The following SMYD2 variants were observed in gnomAD, a reference collection of about 807,000 sequenced individuals.
The protein encoded by SMYD2 is N-lysine methyltransferase SMYD2.
SMYD2 carries 53 observed loss-of-function variants against 59.1 expected under a neutral mutation model. That is an observed-to-expected ratio of 0.90 (90% CI 0.72 to 1.13). The LOEUF (loss-of-function observed/expected upper bound fraction) is 1.13, where lower values mean the gene tolerates loss of function less well. Ranked by LOEUF, SMYD2 falls within the 50% of genes most tolerant of loss-of-function variation. The pLI, the probability that SMYD2 is intolerant of heterozygous loss-of-function variation, is 0.00. For missense variants in SMYD2, 494 were observed against 544.7 expected (o/e 0.91, Z 0.93); for synonymous variants, 208 against 198.8 (o/e 1.05, Z -0.39).
At position 214,330,976 on chromosome 1, in the gene SMYD2, G is replaced by A. The variant is rs763031470; in HGVS notation, c.843G>A (p.Lys281=). The A allele has an allele frequency of 6.2e-7, 1 of 1,614,222 alleles. No homozygotes were observed. The highest frequency in any genetic ancestry group is 1.3e-5 in the African/African-American group (1 of 75,074). The change falls in exon 9 of 12, where the codon AAG becomes AAA. Residue 281 remains lysine (K), a synonymous_variant. Transcript: ENST00000366957. ...DKDKAKVEIR[K]LSDPPKAEAI... ...ATAAGGCCAAGGTGGAAATCCGGAA[G>A]CTCAGCGATCCCCCAAAGGCAGAAG...
chr1:214,292,089 T>A (rs370463051), intron 1 of SMYD2, among the ~76,000 whole-genome samples: 2 of 145,880 alleles, frequency 1.4e-5, no homozygotes, highest in African/African-American at 2.6e-5. Flanking sequence ...TTTTCTAGGG[T>A]GAGAGAGAGA....
intron 1 of SMYD2, among the ~76,000 whole-genome samples, chr1:214,296,490 A>G (rs1288517498): frequency 1.3e-5 from 2 of 152,222 alleles, no homozygotes; most frequent in African/African-American, 2.4e-5. Context: ...TCCTCTAGCT[A>G]TGAGTCTGAG....
At chr1:214,328,247 G>C (rs370566534) in intron 7 of SMYD2, among the ~76,000 whole-genome samples, 2 of 152,036 alleles carry the variant, frequency 1.3e-5, no homozygotes, top group Admixed American at 1.3e-4. Flanking sequence ...TCAGAATTTC[G>C]TGTTCTATCA....
At chr1:214,334,486 G>A (rs780194715) in intron 11 of SMYD2, among the ~76,000 whole-genome samples, 178 bp downstream of exon 11, 3 of 152,120 alleles carry the variant, frequency 2.0e-5, no homozygotes, top group Non-Finnish European at 2.9e-5. Context: ...GTGAGAGAGT[G>A]CACCTCTGCT....
intron 1 of SMYD2, among the ~76,000 whole-genome samples, chr1:214,281,755 C>G (rs561748302): frequency 5.9e-5 from 9 of 152,354 alleles, no homozygotes; most frequent in Admixed American, 2.6e-4. Flanking sequence ...TGTTCCAAGC[C>G]TGGGCACTCA....
chr1:214,282,591 T>C (rs752234701), intron 1 of SMYD2, among the ~76,000 whole-genome samples: 52 of 152,168 alleles, frequency 3.4e-4, no homozygotes, highest in Non-Finnish European at 5.6e-4. Context: ...TCCAGCATAC[T>C]CAATCTCTCA....
rs1483371010 is a variant in SMYD2 at position 214,284,136 on chromosome 1, T to C, written c.173+2709T>C. Among the ~76,000 whole-genome samples the C allele has an allele frequency of 5.3e-5, 8 of 151,944 alleles. No homozygotes were observed. In the East Asian group the frequency reaches 1.3e-3, roughly 26 times the overall value. Reference sequence around the variant, plus strand: ...GAAGGCAGCTCCTAATAATATTATATAAAGTTTTTCCACTTGGAAGCTGTC... The same window carrying C: ...GAAGGCAGCTCCTAATAATATTATACAAAGTTTTTCCACTTGGAAGCTGTC... On this transcript the variant is annotated intron_variant, in intron 1 of 11. Coordinates refer to ENST00000366957, the MANE Select transcript of SMYD2 (RefSeq NM_020197.3).
In SMYD2 at chr1:214,320,390, A is replaced by G. The variant is rs531757125; in HGVS notation, c.534+1407A>G. On this transcript the variant is annotated intron_variant, in intron 5 of 11. Coordinates refer to ENST00000366957, the MANE Select transcript of SMYD2 (RefSeq NM_020197.3). The stretch of plus-strand genomic sequence containing the variant: ...CTGGGTGACTTTCTGGATTTTCTAC[A>G]GTGAGCATGTATAACTTACAAAAAG... 2.6e-5 allele frequency among the ~76,000 whole-genome samples: 4 copies of G among 152,370 alleles called. No individual in the cohort carries two copies. The Middle Eastern group carries it at 0.01, about 389-fold the overall frequency.
Position 214,281,198 on chromosome 1 carries a change from A to T in SMYD2, c.-57A>T, listed in dbSNP as rs922362832. ...AGCTCTAGGTGACGCGTCTCCAATAACAGCTCGCCGGGAGCCGCAGCTCGG... is the reference window on the plus strand; with the variant it reads ...AGCTCTAGGTGACGCGTCTCCAATATCAGCTCGCCGGGAGCCGCAGCTCGG... On this transcript the variant is annotated 5_prime_UTR_variant, in exon 1 of 12. Coordinates refer to ENST00000366957, the MANE Select transcript of SMYD2 (RefSeq NM_020197.3). 45 of 1,198,890 alleles carry T rather than the reference A, an allele frequency of 3.8e-5. No individual in the cohort carries two copies. The highest frequency in any genetic ancestry group is 4.2e-5 in the Non-Finnish European group (40 of 961,288). 74.3% of individuals were successfully genotyped at this position (1,198,890 alleles called of 1,614,324 possible).
Position 214,319,635 on chromosome 1 carries a change from C to G in SMYD2, c.534+652C>G, listed in dbSNP as rs572946556. 3.3e-5 allele frequency among the ~76,000 whole-genome samples: 5 copies of G among 151,958 alleles called. No individual in the cohort carries two copies. The South Asian group carries it at 8.3e-4, about 25-fold the overall frequency. ...AGGCAAGCCTTGGGCATTGTTAGGA[C>G]GAGAGAACAAAGGGTGCAGTGGCCA... On this transcript the variant is annotated intron_variant, in intron 5 of 11. Coordinates refer to ENST00000366957, the MANE Select transcript of SMYD2 (RefSeq NM_020197.3).
rs529692773 is a variant in SMYD2, at chr1:214,320,512, G to A, written c.534+1529G>A. Reference sequence around the variant, plus strand: ...ACCATGGCGTGTGTCTGTAGTCCCAGCTACTCAGGAGGCTGAGGTAGGAGG... The same window carrying A: ...ACCATGGCGTGTGTCTGTAGTCCCAACTACTCAGGAGGCTGAGGTAGGAGG... On this transcript the variant is annotated intron_variant, in intron 5 of 11. Transcript: ENST00000366957. Among the ~76,000 whole-genome samples the A allele has an allele frequency of 4.1e-4, 63 of 152,308 alleles. 1 individual carries two copies. In the South Asian group the frequency reaches 0.011, roughly 27 times the overall value.
At chr1:214,300,544 C>T (rs1242967965) in intron 1 of SMYD2, among the ~76,000 whole-genome samples, 5 of 152,162 alleles carry the variant, frequency 3.3e-5, no homozygotes, top group Non-Finnish European at 1.5e-5. Flanking sequence ...TAATGGGATA[C>T]CACTGGAGCC....
intron 2 of SMYD2, among the ~76,000 whole-genome samples, chr1:214,306,053 G>T (rs1451264868): frequency 6.6e-6 from 1 of 152,110 alleles, no homozygotes; most frequent in African/African-American, 2.4e-5. Context: ...AAGCCTTCTT[G>T]TTTGATCTCT....
chr1:214,306,187 G>T (rs539238526), intron 2 of SMYD2, among the ~76,000 whole-genome samples: 15 of 152,204 alleles, frequency 9.9e-5, no homozygotes, highest in African/African-American at 3.4e-4. Context: ...ATCTCTTTTT[G>T]TTGTTCCATA....
intron 1 of SMYD2, among the ~76,000 whole-genome samples, chr1:214,293,928 G>A (rs1209654161): frequency 6.6e-6 from 1 of 151,400 alleles, no homozygotes; most frequent in Admixed American, 6.6e-5. Flanking sequence ...CGCCTGCCTC[G>A]GCCTCCCAAA....
At position 214,331,065 on chromosome 1, in the gene SMYD2, A is replaced by G. The variant is rs774552919; in HGVS notation, c.932A>G (p.Tyr311Cys). ...GAAGAGTTCCGGAGGGCCAAGCACTATAAATATATCCTTTACAACTGCCCT... is the reference window on the plus strand; with the variant it reads ...GAAGAGTTCCGGAGGGCCAAGCACTGTAAATATATCCTTTACAACTGCCCT... ...VIEEFRRAKH[Y>C]KSPSELLEIC... is the part of the protein sequence containing the mutation. The change falls in exon 9 of 12, where the codon TAT (tyrosine) becomes TGT (cysteine). Residue 311 changes from tyrosine (Y) to cysteine (C), a missense_variant. Physicochemically the swap from Tyr to Cys is radical, Grantham distance 194 (BLOSUM62 -2). Coordinates refer to ENST00000366957, the MANE Select transcript of SMYD2 (RefSeq NM_020197.3). The G allele has an allele frequency of 1.9e-6, 3 of 1,614,218 alleles. No individual in the cohort carries two copies. In the South Asian group the frequency reaches 3.3e-5, roughly 18 times the overall value.
intron 3 of SMYD2, among the ~76,000 whole-genome samples, chr1:214,316,496 G>GA (rs752561551): frequency 2.5e-3 from 340 of 138,762 alleles, no homozygotes; most frequent in Middle Eastern, 0.011. Flanking sequence ...CTCTAAAAAT[G>GA]AAAAAAAAAA....
rs549943743 is a variant in SMYD2, at chr1:214,297,286, C to G, written c.174-7901C>G. ...TAGTGATTCACTCTACACTTCTTTT[C>G]GCTCCATTCCTTTGGGGGTTATTTC... On this transcript the variant is annotated intron_variant, in intron 1 of 11. Coordinates refer to ENST00000366957, the MANE Select transcript of SMYD2 (RefSeq NM_020197.3). Among the ~76,000 whole-genome samples, 13 of 125,420 alleles carry G rather than the reference C, an allele frequency of 1.0e-4. No homozygotes were observed. In the Admixed American group the frequency reaches 1.2e-3, roughly 11 times the overall value. 82.3% of individuals were successfully genotyped at this position (125,420 alleles called of 152,430 possible). A position where few individuals can be genotyped will look rare whatever the true frequency, so the allele number is the denominator to read the frequency against.
intron 7 of SMYD2, 127 bp from the exon 8 acceptor site, chr1:214,330,041 C>A: frequency 1.8e-6 from 1 of 552,150 alleles, no homozygotes; most frequent in Non-Finnish European, 3.1e-6. Flanking sequence ...AAGTAAACAG[C>A]GCATTCCTCC....
Sources: gnomAD v4.1 joint callset for allele counts (sites outside exome capture counted in the v4.1 genomes callset) on GRCh38, gnomAD v4.1.1 for gene constraint, MANE v1.5 for transcripts, NCBI Gene and HGNC (gene_info 2026-07-23, HGNC 2026-07-21) for gene names.